Variants in SLC35F1 observed in about 807,000 individuals in gnomAD.
SLC35F1 encodes the protein chromosome 6 open reading frame 169.
Under a neutral mutation model 48.7 loss-of-function variants are expected in SLC35F1, and 14 were observed. The ratio of observed to expected loss-of-function variants is 0.29; its 90% confidence interval spans 0.19 to 0.45. The LOEUF (loss-of-function observed/expected upper bound fraction) is 0.45. SLC35F1 is among the 20% of genes least tolerant of loss of function. The probability of loss-of-function intolerance (pLI) is 1.00; values close to 1 mark genes in which losing one functional copy is unlikely to be tolerated. For missense variants in SLC35F1, 404 were observed against 500.0 expected (o/e 0.81, Z 1.83); for synonymous variants, 190 against 202.2 (o/e 0.94, Z 0.51).
intron 1 of SLC35F1, among the ~76,000 whole-genome samples, chr6:118,124,691 C>T (rs1488653920): frequency 6.6e-6 from 1 of 152,078 alleles, no homozygotes; most frequent in African/African-American, 2.4e-5. Flanking sequence ...TGATGAGAGT[C>T]GCAAATCCTG....
rs576760615 is a variant in SLC35F1 at position 118,010,667 on chromosome 6, A to G, written c.173+102768A>G. On this transcript the variant is annotated intron_variant, in intron 1 of 7. Coordinates refer to ENST00000360388, the MANE Select transcript of SLC35F1 (RefSeq NM_001029858.4). ...TTGTATAAAATGTATGTTATGCTTCAGTGCTTTTATTATTGTTTTGGGGGT... is the reference window on the plus strand; with the variant it reads ...TTGTATAAAATGTATGTTATGCTTCGGTGCTTTTATTATTGTTTTGGGGGT... Among the ~76,000 whole-genome samples the G allele has an allele frequency of 1.2e-4, 18 of 152,296 alleles. No homozygotes were observed. In the South Asian group the frequency reaches 3.5e-3, roughly 30 times the overall value.
chr6:118,154,664 T>C (rs1424900944), intron 2 of SLC35F1, 44 bp downstream of exon 2: 1 of 1,507,976 alleles, frequency 6.6e-7, no homozygotes, highest in African/African-American at 1.4e-5. Flanking sequence ...TACAAACACC[T>C]AAAAAAAAGA....
intron 1 of SLC35F1, among the ~76,000 whole-genome samples, chr6:118,120,971 G>A (rs1315141936): frequency 6.6e-6 from 1 of 151,934 alleles, no homozygotes; most frequent in Non-Finnish European, 1.5e-5. Context: ...TTTAGTTGAA[G>A]TTTTTAGCAG....
chr6:118,102,520 C>T (rs1382041830), intron 1 of SLC35F1, among the ~76,000 whole-genome samples: 1 of 152,192 alleles, frequency 6.6e-6, no homozygotes, highest in Non-Finnish European at 1.5e-5. Flanking sequence ...TATCTAGCTA[C>T]AGCAACTAGC....
At chr6:117,924,725 T>C (rs1313389915) in intron 1 of SLC35F1, among the ~76,000 whole-genome samples, 3 of 152,098 alleles carry the variant, frequency 2.0e-5, no homozygotes, top group African/African-American at 7.2e-5. Context: ...CAGGGTGTTT[T>C]ATCCAGTGTG....
At chr6:118,196,065 A>G (rs896149852) in intron 2 of SLC35F1, among the ~76,000 whole-genome samples, 2 of 152,208 alleles carry the variant, frequency 1.3e-5, no homozygotes, top group Non-Finnish European at 2.9e-5. Flanking sequence ...GGGCCTCCTG[A>G]TCAGAACAAA....
chr6:118,291,875 T>G (rs948654546), intron 7 of SLC35F1, among the ~76,000 whole-genome samples: 2 of 152,150 alleles, frequency 1.3e-5, no homozygotes, highest in African/African-American at 4.8e-5. Flanking sequence ...CCCAGCATTT[T>G]GGGAGGCTGA....
chr6:117,948,769 G>T (rs995690044), intron 1 of SLC35F1, among the ~76,000 whole-genome samples: 1 of 152,098 alleles, frequency 6.6e-6, no homozygotes, highest in Non-Finnish European at 1.5e-5. Flanking sequence ...GAAGGGATTC[G>T]TTAAGCAAAC....
intron 3 of SLC35F1, among the ~76,000 whole-genome samples, chr6:118,252,898 G>A (rs281868): frequency 0.45 from 68,935 of 151,870 alleles, 15,892 homozygotes; most frequent in Middle Eastern, 0.51. Flanking sequence ...GAGCAACTAA[G>A]TCACTGGTGG....
intron 1 of SLC35F1, among the ~76,000 whole-genome samples, chr6:118,074,815 T>C (rs1475306704): frequency 6.6e-6 from 1 of 152,118 alleles, no homozygotes; most frequent in African/African-American, 2.4e-5. Context: ...ACCCAGCTAA[T>C]GTATTTCTTG....
At chr6:118,030,967 T>A (rs368538689) in intron 1 of SLC35F1, among the ~76,000 whole-genome samples, 1 of 152,136 alleles carries the variant, frequency 6.6e-6, no homozygotes, top group Non-Finnish European at 1.5e-5. Flanking sequence ...ATGAATAAAC[T>A]GTAGTTTTTG....
At chr6:117,950,758 T>C (rs749107717) in intron 1 of SLC35F1, among the ~76,000 whole-genome samples, 15 of 152,200 alleles carry the variant, frequency 9.9e-5, no homozygotes, top group Non-Finnish European at 1.2e-4. Flanking sequence ...GTATTGAACA[T>C]TAACAGTAAA....
intron 1 of SLC35F1, among the ~76,000 whole-genome samples, chr6:118,150,929 T>C (rs6940758): frequency 0.3 from 46,027 of 151,988 alleles, 8,626 homozygotes; most frequent in Non-Finnish European, 0.43. Context: ...ATCCCCTCCA[T>C]GAAACTCTCT....
At chr6:118,202,603 C>T (rs1774886126) in intron 2 of SLC35F1, among the ~76,000 whole-genome samples, 1 of 152,228 alleles carries the variant, frequency 6.6e-6, no homozygotes, top group Non-Finnish European at 1.5e-5. Context: ...TAGATAAGTT[C>T]ATTGAGTGCT....
intron 1 of SLC35F1, among the ~76,000 whole-genome samples, chr6:117,949,280 A>G (rs113668194): frequency 2.6e-3 from 394 of 152,280 alleles, no homozygotes; most frequent in African/African-American, 9.1e-3. Context: ...TGTGCTTCTG[A>G]TGCTGACAAT....
At chr6:118,172,567 C>T (rs369578477) in intron 2 of SLC35F1, among the ~76,000 whole-genome samples, 152 of 152,216 alleles carry the variant, frequency 1.0e-3, no homozygotes, top group African/African-American at 3.5e-3. Flanking sequence ...TGAATCAAGA[C>T]AGTAAAATTG....
At chr6:118,236,850 C>A (rs1306342036) in intron 3 of SLC35F1, among the ~76,000 whole-genome samples, 1 of 152,228 alleles carries the variant, frequency 6.6e-6, no homozygotes, top group Admixed American at 6.5e-5. Flanking sequence ...CCAGATGCCT[C>A]ATGAGACTCC....
intron 1 of SLC35F1, among the ~76,000 whole-genome samples, chr6:117,962,591 A>G (rs1287257411): frequency 1.4e-4 from 21 of 152,088 alleles, no homozygotes; most frequent in Admixed American, 1.4e-3. Context: ...CTTGGCAAAC[A>G]AAGCTTGGAT....
At chr6:118,001,164 A>C (rs1777087328) in intron 1 of SLC35F1, among the ~76,000 whole-genome samples, 1 of 152,248 alleles carries the variant, frequency 6.6e-6, no homozygotes, top group Non-Finnish European at 1.5e-5. Flanking sequence ...CCAAAAGAAC[A>C]AAGCTGGAGG....
Sources: gnomAD v4.1 joint callset for allele counts (sites outside exome capture counted in the v4.1 genomes callset) on GRCh38, gnomAD v4.1.1 for gene constraint, MANE v1.5 for transcripts, NCBI Gene and HGNC (gene_info 2026-07-23, HGNC 2026-07-21) for gene names.